Variants in PCNX2 observed in about 807,000 individuals in gnomAD.
The protein encoded by PCNX2 is pecanex 2.
A neutral mutation model predicts 223.8 loss-of-function variants in PCNX2; 168 were observed. The ratio of observed to expected loss-of-function variants is 0.75; its 90% confidence interval spans 0.66 to 0.85. The LOEUF is 0.85. PCNX2 is among the 40% of genes least tolerant of loss of function. The probability of loss-of-function intolerance (pLI) is 0.00; values close to 1 mark genes in which losing one functional copy is unlikely to be tolerated. For missense variants in PCNX2, 2,507 were observed against 2,675.5 expected (o/e 0.94, Z 1.39); for synonymous variants, 1,006 against 1,052.6 (o/e 0.96, Z 0.86).
At chr1:233,055,633 C>T (rs74145010) in intron 24 of PCNX2, among the ~76,000 whole-genome samples, 17,735 of 152,104 alleles carry the variant, frequency 0.12, 1,423 homozygotes, top group African/African-American at 0.23. Context: ...AAAATGTTCA[C>T]GTTCATGACT....
intron 21 of PCNX2, among the ~76,000 whole-genome samples, chr1:233,130,464 TTTGTG>T (rs1375333990): frequency 1.6e-5 from 2 of 125,548 alleles, no homozygotes; most frequent in African/African-American, 6.1e-5. Flanking sequence ...CCCCCCAACT[TTTGTG>T]TGTGTGTGTG....
intron 23 of PCNX2, among the ~76,000 whole-genome samples, chr1:233,059,978 A>G (rs1483925416): frequency 1.3e-5 from 2 of 152,220 alleles, no homozygotes; most frequent in African/African-American, 4.8e-5. Flanking sequence ...CTTCAGAAAA[A>G]AAAAGTATTC....
At chr1:233,225,144 T>C (rs1160143445) in intron 10 of PCNX2, among the ~76,000 whole-genome samples, 1 of 150,084 alleles carries the variant, frequency 6.7e-6, no homozygotes, top group Admixed American at 6.6e-5. Flanking sequence ...AAAAATGTTA[T>C]GTTACCTATG....
chr1:233,136,756 C>T (rs1676827455), intron 20 of PCNX2, among the ~76,000 whole-genome samples: 1 of 152,004 alleles, frequency 6.6e-6, no homozygotes, highest in African/African-American at 2.4e-5. Context: ...AACAACAGCC[C>T]AAGGTACAAA....
At chr1:233,153,029 A>C (rs946365394) in intron 19 of PCNX2, among the ~76,000 whole-genome samples, 11 of 152,160 alleles carry the variant, frequency 7.2e-5, no homozygotes, top group Non-Finnish European at 4.4e-5. Context: ...ATTATCTCCT[A>C]AACTTCCCAA....
At chr1:233,005,996 C>T (rs748092578) in intron 28 of PCNX2, among the ~76,000 whole-genome samples, 2 of 151,992 alleles carry the variant, frequency 1.3e-5, no homozygotes, top group Non-Finnish European at 2.9e-5. Context: ...AAGTCAGTGG[C>T]GTGGGATTCC....
intron 8 of PCNX2, chr1:233,241,236 A>T (rs1658743584): frequency 7.1e-6 from 7 of 985,324 alleles, no homozygotes. Context: ...CGTGGAAGTG[A>T]GGCAAGGCTG....
Position 233,095,809 on chromosome 1 carries a change from G to A in PCNX2, c.3892C>T (p.Gln1298Ter). 6.2e-7 allele frequency: 1 copy of A among 1,612,844 alleles called. No homozygotes were observed. The highest frequency in any genetic ancestry group is 8.5e-7 in the Non-Finnish European group (1 of 1,179,432). Reference protein sequence around the residue: ...QFVLTYVAPWQMAWGSSFHVF... With the variant: ...QFVLTYVAPW Reference sequence around the variant, plus strand: ...TGAAACGAAGAACCCCAAGCCATCTGCCAAGGAGCCACATATGTCAGGACG... The same window carrying A: ...TGAAACGAAGAACCCCAAGCCATCTACCAAGGAGCCACATATGTCAGGACG... The change falls in exon 22 of 34, where the codon CAG (glutamine) becomes TAG (stop). Residue 1298 changes from glutamine (Q) to a stop codon, truncating the protein, a stop_gained. Coordinates refer to ENST00000258229, the MANE Select transcript of PCNX2 (RefSeq NM_014801.4). LOFTEE classifies it high-confidence loss of function.
At chr1:233,316,365 ATTG>A in the PCNX2 span, among the ~76,000 whole-genome samples, 2 of 151,620 alleles carry the variant, frequency 1.3e-5, no homozygotes, top group East Asian at 1.9e-4. Context: ...CACCATCAGC[ATTG>A]TTGTCATTAT....
At chr1:233,088,085 A>C (rs1673691861) in intron 23 of PCNX2, among the ~76,000 whole-genome samples, 1 of 152,218 alleles carries the variant, frequency 6.6e-6, no homozygotes, top group Non-Finnish European at 1.5e-5. Context: ...TCTCACTCAA[A>C]GATGGCTGAA....
chr1:233,234,030 A>G lies in PCNX2; in HGVS notation c.2358+2815T>C, dbSNP rs558126857. On this transcript the variant is annotated intron_variant, in intron 9 of 33. Coordinates refer to ENST00000258229, the MANE Select transcript of PCNX2 (RefSeq NM_014801.4). ...TGGCCTGGAGCTTTTCCTGTGTCCC[A>G]CACCACCAGAGCCTATTCTAATCAG... is the stretch of plus-strand genomic sequence containing the variant. Among the ~76,000 whole-genome samples, 602 of 152,200 alleles carry G rather than the reference A, an allele frequency of 4.0e-3. 2 individuals are homozygous for G. Among genetic ancestry groups the G allele is most frequent in the South Asian group, 8.5e-3 (41 of 4,818 alleles).
intron 1 of PCNX2, among the ~76,000 whole-genome samples, chr1:233,284,084 A>T (rs534903273): frequency 6.6e-6 from 1 of 152,172 alleles, no homozygotes; most frequent in Non-Finnish European, 1.5e-5. Context: ...TGGCAACTAA[A>T]AGCCATGTTT....
At chr1:233,291,438 C>G (rs1371969126) in intron 1 of PCNX2, among the ~76,000 whole-genome samples, 1 of 151,940 alleles carries the variant, frequency 6.6e-6, no homozygotes, top group African/African-American at 2.4e-5. Context: ...GGAGAAACCC[C>G]ACCTCTACTA....
rs181725165 is a variant in PCNX2 at position 233,130,539 on chromosome 1, C to T, written c.3837+4474G>A. On this transcript the variant is annotated intron_variant, in intron 21 of 33. Coordinates refer to ENST00000258229, the MANE Select transcript of PCNX2 (RefSeq NM_014801.4). ...TTGCCTTGTTGCCCAGGCTGGAGTG[C>T]AGTGGCGCAATCTCGGCTCACTGCA... is the stretch of plus-strand genomic sequence containing the variant. Among the ~76,000 whole-genome samples the T allele has an allele frequency of 4.0e-3, 605 of 150,462 alleles. 6 individuals carry two copies. Among genetic ancestry groups the T allele is most frequent in the African/African-American group, 0.014 (566 of 40,904 alleles).
intron 13 of PCNX2, among the ~76,000 whole-genome samples, chr1:233,203,669 C>T (rs1474161141): frequency 6.6e-6 from 1 of 152,126 alleles, no homozygotes; most frequent in African/African-American, 2.4e-5. Context: ...CCATGTCCAC[C>T]TGACTTATCT....
At chr1:233,240,824 C>T (rs1658718875) in intron 8 of PCNX2, among the ~76,000 whole-genome samples, 1 of 152,174 alleles carries the variant, frequency 6.6e-6, no homozygotes, top group Non-Finnish European at 1.5e-5. Context: ...ATACTGGACT[C>T]ACCAGGTTTC....
intron 13 of PCNX2, among the ~76,000 whole-genome samples, chr1:233,207,497 ATGCCGTCGGGTC>A (rs1681546930): frequency 2.0e-5 from 3 of 152,208 alleles, no homozygotes; most frequent in Non-Finnish European, 4.4e-5. Flanking sequence ...CTCAGAGCAT[ATGCCGTCGGGTC>A]AATACCGGAG....
intron 9 of PCNX2, among the ~76,000 whole-genome samples, chr1:233,228,800 TTTCAA>T (rs1176506148): frequency 6.6e-6 from 1 of 152,252 alleles, no homozygotes; most frequent in Admixed American, 6.5e-5. Flanking sequence ...GAGCTCCTGC[TTTCAA>T]TTCTTTTGGA....
chr1:233,218,208 GCAAAAAAAA>G, intron 10 of PCNX2, 24 bp from the exon 11 acceptor site: 33 of 150,456 alleles, frequency 2.2e-4, no homozygotes, highest in South Asian at 1.9e-3. Context: ...ATACATAAAA[GCAAAAAAAA>G]AAAAAAAAAA....
Sources: gnomAD v4.1 joint callset for allele counts (sites outside exome capture counted in the v4.1 genomes callset) on GRCh38, gnomAD v4.1.1 for gene constraint, MANE v1.5 for transcripts, NCBI Gene and HGNC (gene_info 2026-07-23, HGNC 2026-07-21) for gene names.